The following AGK variants were observed in gnomAD, a reference collection of about 807,000 sequenced individuals.
AGK encodes acylglycerol kinase.
A neutral mutation model predicts 66.4 loss-of-function variants in AGK; 52 were observed. That is an observed-to-expected ratio of 0.78 (90% CI 0.63 to 0.99). AGK has a LOEUF of 0.99. Ranked by LOEUF, AGK falls within the 50% of genes least tolerant of loss-of-function variation. The pLI is 0.00. For missense variants in AGK, 451 were observed against 506.6 expected (o/e 0.89, Z 1.05); for synonymous variants, 182 against 181.1 (o/e 1.00, Z -0.04).
intron 9 of AGK, among the ~76,000 whole-genome samples, chr7:141,627,438 T>C (rs1796963010): frequency 6.6e-6 from 1 of 152,188 alleles, no homozygotes; most frequent in African/African-American, 2.4e-5. Flanking sequence ...CGTTCCCTGA[T>C]ATTTGTGAAA....
chr7:141,566,196 C>T (rs1291733171), intron 2 of AGK, among the ~76,000 whole-genome samples: 1 of 152,200 alleles, frequency 6.6e-6, no homozygotes, highest in Admixed American at 6.5e-5. Context: ...TTTGTCCTCT[C>T]TAGTCAGGAT....
At chr7:141,612,439 G>A (rs915463803) in intron 6 of AGK, among the ~76,000 whole-genome samples, 11 of 152,148 alleles carry the variant, frequency 7.2e-5, no homozygotes, top group African/African-American at 2.7e-4. Flanking sequence ...TTTTTTGTGT[G>A]TATTTGTTAT....
rs1047695836 is a variant in AGK, at chr7:141,642,048, G to A, written c.975+140G>A. 3.9e-6 allele frequency: 3 copies of A among 775,116 alleles called. No individual in the cohort carries two copies. In the African/African-American group the frequency reaches 5.2e-5, roughly 13 times the overall value. 48.0% of individuals were successfully genotyped at this position (775,116 alleles called of 1,614,324 possible). A position where few individuals can be genotyped will look rare whatever the true frequency, so the allele number is the denominator to read the frequency against. ...GCAGTGTCAGGAGAAAGAGGATGTG[G>A]TGTGCCTTTAAGGAATAACAGCAAT... is the stretch of plus-strand genomic sequence containing the variant. On this transcript the variant is annotated intron_variant, in intron 13 of 15. Coordinates refer to ENST00000649286, the MANE Select transcript of AGK (RefSeq NM_018238.4).
At chr7:141,570,814 A>G (rs1241307225) in intron 2 of AGK, among the ~76,000 whole-genome samples, 6 of 151,994 alleles carry the variant, frequency 3.9e-5, no homozygotes, top group African/African-American at 2.4e-5. Context: ...CTGTGTTTCT[A>G]TTTTTCTTAT....
chr7:141,608,995 C>A (rs1253158481), intron 5 of AGK, among the ~76,000 whole-genome samples: 1 of 152,150 alleles, frequency 6.6e-6, no homozygotes, highest in Non-Finnish European at 1.5e-5. Context: ...GACATACATA[C>A]ATTTTTTTAA....
chr7:141,554,338 T>TAAAA (rs77673587), intron 1 of AGK, among the ~76,000 whole-genome samples: 1 of 126,824 alleles, frequency 7.9e-6, no homozygotes. Context: ...AGACCCTGTC[T>TAAAA]AAAAAAAAAA....
At chr7:141,562,954 A>C (rs1228613044) in intron 2 of AGK, among the ~76,000 whole-genome samples, 1 of 152,066 alleles carries the variant, frequency 6.6e-6, no homozygotes, top group Non-Finnish European at 1.5e-5. Context: ...GAGTTTCCTA[A>C]ATTTGTTCCA....
chr7:141,615,661 C>A, intron 8 of AGK, 96 bp downstream of exon 8: 1 of 959,188 alleles, frequency 1.0e-6, no homozygotes, highest in Non-Finnish European at 1.7e-6. Flanking sequence ...GTTTTGATAG[C>A]CTGAAACTTC....
intron 9 of AGK, among the ~76,000 whole-genome samples, chr7:141,627,421 T>A (rs975147482): frequency 1.3e-5 from 2 of 152,174 alleles, no homozygotes; most frequent in African/African-American, 4.8e-5. Flanking sequence ...CATCTTATAT[T>A]CATTCACGTT....
intron 3 of AGK, among the ~76,000 whole-genome samples, chr7:141,595,650 C>T (rs1796211343): frequency 6.6e-6 from 1 of 152,216 alleles, no homozygotes; most frequent in African/African-American, 2.4e-5. Flanking sequence ...TTGGTTCAGG[C>T]CACCTCCCAC....
At chr7:141,652,565 T>A in intron 15 of AGK, 1 of 414,504 alleles carries the variant, frequency 2.4e-6, no homozygotes, top group East Asian at 3.6e-5. Context: ...AAAAAGAAAA[T>A]AAATCCTTTT....
At chr7:141,628,176 G>C (rs1362100004) in intron 9 of AGK, among the ~76,000 whole-genome samples, 1 of 152,242 alleles carries the variant, frequency 6.6e-6, no homozygotes, top group Admixed American at 6.5e-5. Flanking sequence ...CACCGCACCT[G>C]GCCTGTGCTT....
intron 2 of AGK, among the ~76,000 whole-genome samples, chr7:141,565,750 A>G (rs1472375238): frequency 2.0e-5 from 3 of 151,864 alleles, no homozygotes; most frequent in Non-Finnish European, 4.4e-5. Flanking sequence ...TACATCTCTT[A>G]ATGTATTGAG....
intron 8 of AGK, among the ~76,000 whole-genome samples, chr7:141,620,284 T>C (rs951279022): frequency 1.3e-5 from 2 of 152,152 alleles, no homozygotes; most frequent in Non-Finnish European, 2.9e-5. Flanking sequence ...TTGTCAAAAT[T>C]TATAAAACAG....
intron 2 of AGK, among the ~76,000 whole-genome samples, chr7:141,563,107 TG>T (rs1795387389): frequency 6.6e-6 from 1 of 152,230 alleles, no homozygotes; most frequent in African/African-American, 2.4e-5. Context: ...TGCAACAGTG[TG>T]TTGCTTCTTT....
intron 7 of AGK, among the ~76,000 whole-genome samples, chr7:141,615,094 G>A (rs1166961714): frequency 2.6e-5 from 4 of 152,244 alleles, no homozygotes; most frequent in Admixed American, 2.6e-4. Context: ...CTGTATAAAT[G>A]GTAGACATTT....
intron 5 of AGK, among the ~76,000 whole-genome samples, chr7:141,610,246 C>T (rs1014144697): frequency 3.9e-5 from 6 of 152,070 alleles, no homozygotes; most frequent in Non-Finnish European, 7.4e-5. Flanking sequence ...GGATTACAGG[C>T]GTGAGCCACC....
intron 2 of AGK, among the ~76,000 whole-genome samples, chr7:141,563,058 C>T (rs1795385138): frequency 1.3e-5 from 2 of 152,224 alleles, no homozygotes; most frequent in South Asian, 4.1e-4. Context: ...CCCCCTCACA[C>T]TTTGGGGAAT....
chr7:141,607,857 C>T (rs1424678046), intron 5 of AGK, among the ~76,000 whole-genome samples: 1 of 151,808 alleles, frequency 6.6e-6, no homozygotes, highest in East Asian at 1.9e-4. Context: ...CCTTTTTATC[C>T]TTCCTCTTTT....
Sources: allele counts gnomAD v4.1 joint callset (sites outside exome capture counted in the v4.1 genomes callset), GRCh38; gene constraint gnomAD v4.1.1; transcripts MANE v1.5; gene names NCBI Gene and HGNC (gene_info 2026-07-23, HGNC 2026-07-21).